The following MRPL11 variants were observed in gnomAD, a reference collection of about 807,000 sequenced individuals.
MRPL11 encodes mitochondrial ribosomal protein L11, also known as large ribosomal subunit protein uL11m.
Under a neutral mutation model 19.1 loss-of-function variants are expected in MRPL11, and 21 were observed. The observed-to-expected ratio is 1.10, with a 90% CI of 0.78 to 1.58. The LOEUF (loss-of-function observed/expected upper bound fraction) is 1.58. MRPL11 is among the 40% of genes most tolerant of loss of function. The probability of loss-of-function intolerance (pLI) is 0.00; values close to 1 mark genes in which losing one functional copy is unlikely to be tolerated. For synonymous variants in MRPL11, 108 were observed against 99.7 expected (o/e 1.08, Z -0.49); for missense variants, 242 against 243.9 (o/e 0.99, Z 0.05).
Position 66,438,791 on chromosome 11 carries a change from G to C in MRPL11, c.-37C>G. ...GCTGGCTTCAGTTCACCTCAGGGGAGCAGCAAGAGCGAAGCTCTGGGCGCC... is the reference window on the plus strand; with the variant it reads ...GCTGGCTTCAGTTCACCTCAGGGGACCAGCAAGAGCGAAGCTCTGGGCGCC... On this transcript the variant is annotated 5_prime_UTR_variant, in exon 1 of 5. Transcript: ENST00000310999. 6.8e-7 allele frequency: 1 copy of C among 1,460,512 alleles called. No homozygotes were observed. Among genetic ancestry groups the C allele is most frequent in the Admixed American group, 2.7e-5 (1 of 37,590 alleles). 90.5% of individuals were successfully genotyped at this position (1,460,512 alleles called of 1,614,324 possible).
At chr11:66,438,034 TA>T in intron 2 of MRPL11, 129 bp downstream of exon 2, 1 of 673,106 alleles carries the variant, frequency 1.5e-6, no homozygotes, top group Non-Finnish European at 2.7e-6. Flanking sequence ...GATCTAGTCC[TA>T]AATGGGGAAA....
chr11:66,435,999 G>A lies in MRPL11; in HGVS notation c.*8C>T. The A allele has an allele frequency of 6.2e-7, 1 of 1,610,418 alleles. No individual in the cohort carries two copies. The highest frequency in any genetic ancestry group is 8.5e-7 in the Non-Finnish European group (1 of 1,177,372). On this transcript the variant is annotated 3_prime_UTR_variant, in exon 5 of 5. Coordinates refer to ENST00000310999, the MANE Select transcript of MRPL11 (RefSeq NM_016050.5). ...TCCTTTGAAATCTGGGAGTTGGTGG[G>A]GCAAGGGTCACTTCTTGGCAGCTTC...
In MRPL11 at chr11:66,436,013, C is replaced by A. The variant is rs1337295216; in HGVS notation, c.573G>T (p.Lys191Asn). The A allele has an allele frequency of 6.2e-7, 1 of 1,613,326 alleles. No individual in the cohort carries two copies. The highest frequency in any genetic ancestry group is 8.5e-7 in the Non-Finnish European group (1 of 1,179,604). ...ADLAAQEEAA[K>N]K ...GGAGTTGGTGGGGCAAGGGTCACTT[C>A]TTGGCAGCTTCTTCTTGGGCAGCCA... The change falls in exon 5 of 5, where the codon AAG becomes AAT. Residue 191 changes from lysine to asparagine, a missense_variant. By Grantham distance (94) the Lys-to-Asn change is moderately conservative. Transcript: ENST00000310999.
At chr11:66,436,517 C>T (rs1217288096) in intron 4 of MRPL11, among the ~76,000 whole-genome samples, 4 of 151,954 alleles carry the variant, frequency 2.6e-5, no homozygotes, top group African/African-American at 9.7e-5. Context: ...TGAGAAAATT[C>T]AAGTCTGTGT....
At chr11:66,436,349 C>G (rs1833012112) in intron 4 of MRPL11, among the ~76,000 whole-genome samples, 1 of 152,154 alleles carries the variant, frequency 6.6e-6, no homozygotes, top group Non-Finnish European at 1.5e-5. Flanking sequence ...CCTACTCATC[C>G]TTTGAGGCAT....
At chr11:66,437,305 C>A in intron 3 of MRPL11, 42 bp from the exon 4 acceptor site, 1 of 1,614,196 alleles carries the variant, frequency 6.2e-7, no homozygotes, top group Non-Finnish European at 8.5e-7. Context: ...GTTACTGCTT[C>A]CTTCTGGAGC....
In MRPL11 at chr11:66,438,648, C is replaced by T. The variant is rs1318449040; in HGVS notation, c.107G>A (p.Gly36Asp). The T allele has an allele frequency of 1.3e-6, 2 of 1,553,812 alleles. No homozygotes were observed. The highest frequency in any genetic ancestry group is 8.7e-7 in the Non-Finnish European group (1 of 1,148,344). The change falls in exon 1 of 5, where the codon GGC becomes GAC. Residue 36 changes from glycine (G) to aspartate (D), a missense_variant. Gly to Asp is a moderately conservative substitution (Grantham distance 94). Coordinates refer to ENST00000310999, the MANE Select transcript of MRPL11 (RefSeq NM_016050.5). Reference protein sequence around the residue: ...AGLAMPGPPLGPVLGQRGVSI... With the variant: ...AGLAMPGPPLDPVLGQRGVSI... ...CGGCCGCACCTGACCCAGCACTGGG[C>T]CTAGTGGGGGCCCGGGCATGGCCAG...
At position 66,438,667 on chromosome 11, in the gene MRPL11, T is replaced by A. The variant is rs200954914; in HGVS notation, c.88A>T (p.Met30Leu). The A allele has an allele frequency of 1.6e-4, 257 of 1,565,744 alleles. 2 individuals are homozygous for A. In the East Asian group the frequency reaches 5.6e-3, roughly 34 times the overall value. ...ACTGGGCCTAGTGGGGGCCCGGGCA[T>A]GGCCAGGCCTGCCCGCACGATCGCC... is the stretch of plus-strand genomic sequence containing the variant. ...IRAIVRAGLAMPGPPLGPVLG... is the reference protein window; with the variant it reads ...IRAIVRAGLALPGPPLGPVLG... Residue 30 changes from methionine (M) to leucine (L), a missense_variant, in exon 1 of 5, where the codon ATG becomes TTG. By Grantham distance (15) the Met-to-Leu change is conservative. Transcript: ENST00000310999.
chr11:66,436,737 G>T, intron 4 of MRPL11: 1 of 1,021,374 alleles, frequency 9.8e-7, no homozygotes, highest in Non-Finnish European at 1.5e-6. Context: ...GTCCCTGTTT[G>T]CCTCAGGAGC....
At chr11:66,436,719 T>C (rs1049136833) in intron 4 of MRPL11, 7 of 862,722 alleles carry the variant, frequency 8.1e-6, no homozygotes, top group African/African-American at 1.7e-5. Context: ...CGAAGCCCCA[T>C]GACAGGGGTC....
intron 1 of MRPL11, among the ~76,000 whole-genome samples, 153 bp from the exon 2 acceptor site, chr11:66,438,412 G>T (rs1439276166): frequency 6.6e-6 from 1 of 152,168 alleles, no homozygotes; most frequent in Non-Finnish European, 1.5e-5. Context: ...AAGATCGTAC[G>T]CATCTTCCCA....
intron 1 of MRPL11, 32 bp downstream of exon 1, chr11:66,438,600 A>AC (rs1857036717): frequency 6.8e-7 from 1 of 1,471,560 alleles, no homozygotes; most frequent in Non-Finnish European, 9.0e-7. Context: ...ATCCTAGACA[A>AC]CCCCCACGTC....
At position 66,435,895 on chromosome 11, in the gene MRPL11, T is replaced by C; in HGVS notation, c.*112A>G. The C allele has an allele frequency of 2.6e-6, 2 of 754,770 alleles. No individual in the cohort carries two copies. The highest frequency in any genetic ancestry group is 3.1e-5 in the South Asian group (2 of 63,550). 46.8% of individuals were successfully genotyped at this position (754,770 alleles called of 1,614,324 possible). On this transcript the variant is annotated 3_prime_UTR_variant, in exon 5 of 5. Coordinates refer to ENST00000310999, the MANE Select transcript of MRPL11 (RefSeq NM_016050.5). The stretch of plus-strand genomic sequence containing the variant: ...CGATACAGCTAGATGTACAAAAATA[T>C]ATCATTCAAAGTCATGAAAACCATC...
rs764859579 is a variant in MRPL11 at position 66,438,767 on chromosome 11, C to T, written c.-13G>A. 12 of 1,538,476 alleles carry T rather than the reference C, an allele frequency of 7.8e-6. No individual in the cohort carries two copies. The highest frequency in any genetic ancestry group is 1.0e-5 in the Non-Finnish European group (12 of 1,143,438). On this transcript the variant is annotated 5_prime_UTR_variant, in exon 1 of 5. Transcript: ENST00000310999. Reference sequence around the variant, plus strand: ...CGAGCTTTGACATGATGCGGGGCTGCTGGCTTCAGTTCACCTCAGGGGAGC... The same window carrying T: ...CGAGCTTTGACATGATGCGGGGCTGTTGGCTTCAGTTCACCTCAGGGGAGC...
At position 66,436,808 on chromosome 11, in the gene MRPL11, C is replaced by A. The variant is rs780125531; in HGVS notation, c.473+296G>T. On this transcript the variant is annotated intron_variant, in intron 4 of 4. Coordinates refer to ENST00000310999, the MANE Select transcript of MRPL11 (RefSeq NM_016050.5). ...ACTGGTCCTTCCCTCATACCATTCT[C>A]CACTTGCCTCTAGGACGACAGACCC... 1.1e-4 allele frequency: 176 copies of A among 1,608,272 alleles called. 2 individuals carry two copies. The South Asian group carries it at 1.8e-3, about 17-fold the overall frequency.
chr11:66,438,134 G>A, intron 2 of MRPL11, 30 bp downstream of exon 2: 1 of 1,523,338 alleles, frequency 6.6e-7, no homozygotes, highest in Non-Finnish European at 9.1e-7. Flanking sequence ...AGAGGGAGAA[G>A]GAAACCAGGG....
intron 4 of MRPL11, among the ~76,000 whole-genome samples, chr11:66,436,343 C>G (rs1163853304): frequency 2.0e-5 from 3 of 152,124 alleles, no homozygotes; most frequent in African/African-American, 7.2e-5. Context: ...TAAATCCCTA[C>G]TCATCCTTTG....
At position 66,437,353 on chromosome 11, in the gene MRPL11, T is replaced by A. The variant is rs1376404240; in HGVS notation, c.310A>T (p.Thr104Ser). The A allele has an allele frequency of 6.2e-7, 1 of 1,614,044 alleles. No individual in the cohort carries two copies. Among genetic ancestry groups the A allele is most frequent in the Non-Finnish European group, 8.5e-7 (1 of 1,180,042 alleles). Reference sequence around the variant, plus strand: ...AGATGCTTACCCTGGCCCTCACCTGTTTGCCGGGCCCCCTTTTCAATCCCA... The same window carrying A: ...AGATGCTTACCCTGGCCCTCACCTGATTGCCGGGCCCCCTTTTCAATCCCA... ...AAGIEKGARQ[T>S]GKEVAGLVTL... The change falls in exon 3 of 5, where the codon ACA becomes TCA. Residue 104 changes from threonine (T) to serine (S), a missense_variant. By Grantham distance (58) the Thr-to-Ser change is moderately conservative. Transcript: ENST00000310999.
Position 66,438,811 on chromosome 11 carries a change from G to C in MRPL11, c.-57C>G, listed in dbSNP as rs1857047018. On this transcript the variant is annotated 5_prime_UTR_variant, in exon 1 of 5. Coordinates refer to ENST00000310999, the MANE Select transcript of MRPL11 (RefSeq NM_016050.5). Reference sequence around the variant, plus strand: ...GGGGAGCAGCAAGAGCGAAGCTCTGGGCGCCACCATCTTGGGCCAGAGGTC... The same window carrying C: ...GGGGAGCAGCAAGAGCGAAGCTCTGCGCGCCACCATCTTGGGCCAGAGGTC... The C allele has an allele frequency of 2.1e-6, 3 of 1,409,852 alleles. No homozygotes were observed. Among genetic ancestry groups the C allele is most frequent in the Admixed American group, 3.1e-5 (1 of 32,624 alleles). 87.3% of individuals were successfully genotyped at this position (1,409,852 alleles called of 1,614,324 possible).
Sources: allele counts gnomAD v4.1 joint callset (sites outside exome capture counted in the v4.1 genomes callset), GRCh38; gene constraint gnomAD v4.1.1; transcripts MANE v1.5; gene names NCBI Gene and HGNC (gene_info 2026-07-23, HGNC 2026-07-21).